Variants in KPNA5 observed in about 807,000 individuals in gnomAD.
KPNA5 encodes the protein importin subunit alpha-6.
In KPNA5, 46 loss-of-function variants were observed where a neutral mutation model predicts 71.3. The observed-to-expected ratio is 0.65, with a 90% CI of 0.51 to 0.83. The LOEUF is 0.83. KPNA5 is among the 40% of genes least tolerant of loss of function. The pLI, the probability that KPNA5 is intolerant of heterozygous loss-of-function variation, is 0.00. For missense variants in KPNA5, 547 were observed against 628.3 expected (o/e 0.87, Z 1.38); for synonymous variants, 207 against 201.4 (o/e 1.03, Z -0.24).
At chr6:116,701,835 T>C (rs1440556447) in intron 5 of KPNA5, among the ~76,000 whole-genome samples, 184 bp from the exon 6 acceptor site, 1 of 152,228 alleles carries the variant, frequency 6.6e-6, no homozygotes, top group Non-Finnish European at 1.5e-5. Context: ...TAATCAGTGA[T>C]CTTTGATGAC....
chr6:116,698,248 C>T (rs1184482728), intron 4 of KPNA5, among the ~76,000 whole-genome samples: 1 of 151,946 alleles, frequency 6.6e-6, no homozygotes. Flanking sequence ...GTTAACATTT[C>T]TGTAAAAAAT....
chr6:116,693,498 A>G (rs1453258142), intron 4 of KPNA5, among the ~76,000 whole-genome samples: 1 of 152,098 alleles, frequency 6.6e-6, no homozygotes, highest in African/African-American at 2.4e-5. Context: ...GATGATGAGC[A>G]TTTTTTTATG....
At position 116,729,678 on chromosome 6, in the gene KPNA5, C is replaced by G. The variant is rs772817489; in HGVS notation, c.1369C>G (p.Gln457Glu). The change falls in exon 13 of 14, where the codon CAA becomes GAA. Residue 457 changes from glutamine to glutamate, a missense_variant. Transcript: ENST00000368564. ...TGAAAATATTTTACGTCTTGGAGAA[C>G]AAGAATCTAAGCAGAATGGAATAGG... ...GLENILRLGE[Q>E]ESKQNGIGIN... The G allele has an allele frequency of 6.8e-6, 11 of 1,610,470 alleles. No homozygotes were observed. Among genetic ancestry groups the G allele is most frequent in the Non-Finnish European group, 9.3e-6 (11 of 1,178,166 alleles).
At chr6:116,708,984 C>T (rs1778549668) in intron 7 of KPNA5, among the ~76,000 whole-genome samples, 1 of 151,968 alleles carries the variant, frequency 6.6e-6, no homozygotes, top group South Asian at 2.1e-4. Context: ...CGGAGTTTCA[C>T]CATGTTGGCC....
At chr6:116,686,079 A>C (rs1310675258) in intron 1 of KPNA5, among the ~76,000 whole-genome samples, 1 of 151,508 alleles carries the variant, frequency 6.6e-6, no homozygotes, top group African/African-American at 2.4e-5. Context: ...TAATGTTTTG[A>C]TATTTTGTTG....
chr6:116,729,622 C>A lies in KPNA5; in HGVS notation c.1313C>A (p.Ser438Tyr). 2.5e-6 allele frequency: 4 copies of A among 1,608,332 alleles called. No individual in the cohort carries two copies. Among genetic ancestry groups the A allele is most frequent in the Non-Finnish European group, 2.5e-6 (3 of 1,176,992 alleles). ...PLCDLLTVMD[S>Y]KIVQVALNGL... is the part of the protein sequence containing the mutation. Reference sequence around the variant, plus strand: ...TGTGATCTTTTGACTGTTATGGACTCCAAAATAGTCCAAGTGGCTTTAAAT... The same window carrying A: ...TGTGATCTTTTGACTGTTATGGACTACAAAATAGTCCAAGTGGCTTTAAAT... The change falls in exon 13 of 14, where the codon TCC becomes TAC. Residue 438 changes from serine to tyrosine, a missense_variant. Ser to Tyr is a moderately radical substitution (Grantham distance 144). Transcript: ENST00000368564.
intron 8 of KPNA5, among the ~76,000 whole-genome samples, chr6:116,719,009 G>A (rs1186516690): frequency 4.6e-5 from 7 of 151,888 alleles, no homozygotes; most frequent in Non-Finnish European, 1.0e-4. Context: ...TCAAGCTCCC[G>A]ACCTCAGGTG....
At chr6:116,731,916 C>T (rs759577402) in intron 13 of KPNA5, among the ~76,000 whole-genome samples, 10 of 151,482 alleles carry the variant, frequency 6.6e-5, no homozygotes, top group Non-Finnish European at 5.9e-5. Flanking sequence ...TCGTATGACA[C>T]TGCTACATAC....
At chr6:116,702,201 GA>G in intron 6 of KPNA5, 51 bp downstream of exon 6, 1 of 1,558,420 alleles carries the variant, frequency 6.4e-7, no homozygotes, top group Admixed American at 1.9e-5. Flanking sequence ...GTTTTCTCTT[GA>G]AAGTACCATT....
chr6:116,730,072 T>A (rs995186360), intron 13 of KPNA5, among the ~76,000 whole-genome samples: 4 of 146,538 alleles, frequency 2.7e-5, no homozygotes, highest in Non-Finnish European at 6.0e-5. Flanking sequence ...TATATATATA[T>A]AAAAATATGT....
rs500176 is a variant in KPNA5, at chr6:116,711,183, C to T, written c.657-5036C>T. ...TGCTGGGATTACAGGTGTGAGCCAC[C>T]GCGCCCAGCCAAATTGTAGTAATAT... On this transcript the variant is annotated intron_variant, in intron 7 of 13. Transcript: ENST00000368564. Among the ~76,000 whole-genome samples the T allele has an allele frequency of 5.0e-3, 751 of 151,138 alleles. 6 individuals carry two copies. Among genetic ancestry groups the T allele is most frequent in the African/African-American group, 0.016 (642 of 41,316 alleles).
chr6:116,687,576 C>A (rs1432439001), intron 1 of KPNA5, among the ~76,000 whole-genome samples: 2 of 152,150 alleles, frequency 1.3e-5, no homozygotes, highest in African/African-American at 4.8e-5. Flanking sequence ...ATTCATTATT[C>A]TTGTCTCAGA....
chr6:116,692,231 C>T, intron 3 of KPNA5, 62 bp from the exon 4 acceptor site: 2 of 1,411,318 alleles, frequency 1.4e-6, no homozygotes, highest in Non-Finnish European at 2.0e-6. Flanking sequence ...AATATTTATG[C>T]ATGCAAAATT....
At position 116,725,796 on chromosome 6, in the gene KPNA5, A is replaced by G; in HGVS notation, c.1045A>G (p.Ser349Gly). The G allele has an allele frequency of 6.2e-7, 1 of 1,613,248 alleles. No individual in the cohort carries two copies. ...SALPCLLHLLSSPKESIRKEA... is the reference protein window; with the variant it reads ...SALPCLLHLLGSPKESIRKEA... ...ATTACCCTGTCTCTTACATTTATTG[A>G]GTAGCCCAAAGGAGTCAATTAGAAA... The change falls in exon 11 of 14, where the codon AGT (serine) becomes GGT (glycine). Residue 349 changes from serine to glycine, a missense_variant. By Grantham distance (56) the Ser-to-Gly change is moderately conservative (BLOSUM62 0). Coordinates refer to ENST00000368564, the MANE Select transcript of KPNA5 (RefSeq NM_001366306.2).
rs922662466 is a variant in KPNA5 at position 116,738,062 on chromosome 6, T to G, written c.*5739T>G. ...AGCTCTAAGTATTTTAAAGTTTATA[T>G]TATGATTTATTCGTGACCTATGAAA... On this transcript the variant is annotated 3_prime_UTR_variant, in exon 14 of 14. Transcript: ENST00000368564. 6.6e-6 allele frequency: 1 copy of G among 151,956 alleles called. No individual in the cohort carries two copies. Among genetic ancestry groups the G allele is most frequent in the African/African-American group, 2.4e-5 (1 of 41,412 alleles). The allele number at this position is 151,956 out of a possible 1,614,324, so 9.4% of individuals were successfully genotyped here. A position where few individuals can be genotyped will look rare whatever the true frequency, so the allele number is the denominator to read the frequency against.
intron 7 of KPNA5, among the ~76,000 whole-genome samples, chr6:116,708,239 G>C (rs973067923): frequency 2.6e-5 from 4 of 152,104 alleles, no homozygotes; most frequent in Non-Finnish European, 5.9e-5. Flanking sequence ...TCTCAGTACT[G>C]GTTTTTAATT....
chr6:116,691,291 G>C (rs1777791494), intron 2 of KPNA5, among the ~76,000 whole-genome samples: 1 of 152,148 alleles, frequency 6.6e-6, no homozygotes, highest in Non-Finnish European at 1.5e-5. Context: ...TGTTGTTGTT[G>C]TTTATTTTTA....
rs1779633364 is a variant in KPNA5 at position 116,735,303 on chromosome 6, T to C, written c.*2980T>C. On this transcript the variant is annotated 3_prime_UTR_variant, in exon 14 of 14. Coordinates refer to ENST00000368564, the MANE Select transcript of KPNA5 (RefSeq NM_001366306.2). ...CTTTGCCTTTATATTTTTTCTTCTT[T>C]TAAGAAGGAGCATTATGGAAAAATA... is the stretch of plus-strand genomic sequence containing the variant. The C allele has an allele frequency of 6.6e-6, 1 of 151,790 alleles. No homozygotes were observed. The highest frequency in any genetic ancestry group is 1.5e-5 in the Non-Finnish European group (1 of 67,750). The allele number at this position is 151,790 out of a possible 1,614,324, so 9.4% of individuals were successfully genotyped here.
In KPNA5 at chr6:116,733,980, C is replaced by A. The variant is rs1211084127; in HGVS notation, c.*1657C>A. 1 of 151,578 alleles carries A rather than the reference C, an allele frequency of 6.6e-6. No individual in the cohort carries two copies. The highest frequency in any genetic ancestry group is 2.1e-4 in the South Asian group (1 of 4,822). 9.4% of individuals were successfully genotyped at this position (151,578 alleles called of 1,614,324 possible). A position where few individuals can be genotyped will look rare whatever the true frequency, so the allele number is the denominator to read the frequency against. ...GTAAAATACAGGTTTAAATGGTGTT[C>A]GTAATGCTGAGTGCATCTGCCAGCC... On this transcript the variant is annotated 3_prime_UTR_variant, in exon 14 of 14. Transcript: ENST00000368564.
Sources: allele counts gnomAD v4.1 joint callset (sites outside exome capture counted in the v4.1 genomes callset), GRCh38; gene constraint gnomAD v4.1.1; transcripts MANE v1.5; gene names NCBI Gene and HGNC (gene_info 2026-07-23, HGNC 2026-07-21).